CEP250: variants seen among roughly 807,000 people sequenced by gnomAD.
CEP250 encodes centrosomal protein 250.
In CEP250, 242 loss-of-function variants were observed where a neutral mutation model predicts 315.7. That is an observed-to-expected ratio of 0.77 (90% CI 0.69 to 0.85). CEP250 has a LOEUF of 0.85. CEP250 is among the 40% of genes least tolerant of loss of function. The pLI is 0.00. For synonymous variants in CEP250, 1,088 were observed against 1,175.0 expected, an observed-to-expected ratio of 0.93 and a Z score of 1.51; for missense variants, 2,515 against 2,886.4, an observed-to-expected ratio of 0.87 and a Z score of 2.95.
At position 35,473,545 on chromosome 20, in the gene CEP250, C is replaced by T; in HGVS notation, c.1381C>T (p.Leu461Phe). 1.2e-6 allele frequency: 2 copies of T among 1,611,632 alleles called. No individual in the cohort carries two copies. The highest frequency in any genetic ancestry group is 1.7e-6 in the Non-Finnish European group (2 of 1,178,758). Residue 461 changes from leucine (L) to phenylalanine (F), a missense_variant, in exon 13 of 35, where the codon CTC becomes TTC. Leu to Phe is a conservative substitution (Grantham distance 22). Transcript: ENST00000397527. ...GGACCTCCAGGGAGAGGTGGACTCT[C>T]TCAGCAAGTGAGCAGACGGGCTGTT... is the stretch of plus-strand genomic sequence containing the variant. ...TVDLQGEVDS[L>F]SKERELLQKA...
At chr20:35,456,742 T>C (rs1380784290) in intron 1 of CEP250, among the ~76,000 whole-genome samples, 2 of 152,054 alleles carry the variant, frequency 1.3e-5, no homozygotes, top group African/African-American at 4.8e-5. Flanking sequence ...GGTTCAGTCA[T>C]TGCTCTGCCA....
rs1193636633 is a variant in CEP250 at position 35,518,623 on chromosome 20, G to T, written c.*6997G>T. On this transcript the variant is annotated 3_prime_UTR_variant, in exon 35 of 35. Coordinates refer to ENST00000397527, the MANE Select transcript of CEP250 (RefSeq NM_007186.6). ...TCAAAGTTTTTTATATATTCACTAT[G>T]ATTCAATCATGACAGTTGCTATTTT... The T allele has an allele frequency of 6.6e-6, 1 of 152,130 alleles. No homozygotes were observed. Among genetic ancestry groups the T allele is most frequent in the Non-Finnish European group, 1.5e-5 (1 of 68,022 alleles). The allele number at this position is 152,130 out of a possible 1,614,324, so 9.4% of individuals were successfully genotyped here. A position where few individuals can be genotyped will look rare whatever the true frequency, so the allele number is the denominator to read the frequency against.
At chr20:35,490,041 A>C (rs2147024948) in intron 20 of CEP250, among the ~76,000 whole-genome samples, 1 of 152,192 alleles carries the variant, frequency 6.6e-6, no homozygotes, top group East Asian at 1.9e-4. Flanking sequence ...GGCTAGGCAC[A>C]GTGGCTCATG....
intron 7 of CEP250, among the ~76,000 whole-genome samples, chr20:35,466,429 C>T (rs1233762933): frequency 6.6e-6 from 1 of 152,146 alleles, no homozygotes; most frequent in Non-Finnish European, 1.5e-5. Context: ...TGGGAGGTAG[C>T]ATGACACTCA....
At chr20:35,481,865 G>A (rs968646141) in intron 20 of CEP250, among the ~76,000 whole-genome samples, 2 of 152,020 alleles carry the variant, frequency 1.3e-5, no homozygotes, top group African/African-American at 2.4e-5. Flanking sequence ...ATCACACCCA[G>A]CTAATTTTAT....
intron 16 of CEP250, among the ~76,000 whole-genome samples, chr20:35,476,903 C>T (rs1014009889): frequency 6.6e-6 from 1 of 152,188 alleles, no homozygotes; most frequent in African/African-American, 2.4e-5. Context: ...GGCTGGAGTG[C>T]AGTGGTGCGA....
intron 27 of CEP250, among the ~76,000 whole-genome samples, chr20:35,499,231 T>G (rs2063933558): frequency 6.6e-6 from 1 of 152,172 alleles, no homozygotes; most frequent in South Asian, 2.1e-4. Context: ...GCCAAGATTG[T>G]GCCATTGCAC....
Position 35,478,109 on chromosome 20 carries a change from G to A in CEP250, c.2094+8G>A. 1 of 1,571,432 alleles carries A rather than the reference G, an allele frequency of 6.4e-7. No individual in the cohort carries two copies. Among genetic ancestry groups the A allele is most frequent in the South Asian group, 1.1e-5 (1 of 89,784 alleles). On this transcript the variant is annotated splice_region_variant and intron_variant, in intron 17 of 34. Transcript: ENST00000397527. ...CAAAAGAAACTAAGTGAGGTGAGAA[G>A]CCAAAATGGACACCATCATGTCTAG...
chr20:35,479,402 G>A lies in CEP250; in HGVS notation c.2266G>A (p.Ala756Thr), dbSNP rs143763293. Residue 756 changes from alanine (A) to threonine (T), a missense_variant, in exon 18 of 35, where the codon GCT (alanine) becomes ACT (threonine). By Grantham distance (58) the Ala-to-Thr change is moderately conservative. Coordinates refer to ENST00000397527, the MANE Select transcript of CEP250 (RefSeq NM_007186.6). ...CGTGGAGCGTGACCGGCAGGACCTC[G>A]CTGAACAACTACAGGGGCTCAGGTA... ...QAVERDRQDL[A>T]EQLQGLSSAK... 2.3e-5 allele frequency: 37 copies of A among 1,613,862 alleles called. No homozygotes were observed. The Admixed American group carries it at 3.5e-4, about 15-fold the overall frequency.
intron 23 of CEP250, among the ~76,000 whole-genome samples, chr20:35,494,146 T>A (rs1244787044): frequency 6.6e-6 from 1 of 152,124 alleles, no homozygotes; most frequent in Non-Finnish European, 1.5e-5. Context: ...GGCTAATTTT[T>A]AAATTTTTAT....
At chr20:35,473,787 G>C in intron 13 of CEP250, 83 bp from the exon 14 acceptor site, 2 of 1,262,290 alleles carry the variant, frequency 1.6e-6, no homozygotes, top group Non-Finnish European at 2.2e-6. Flanking sequence ...GTTGAAACAG[G>C]GTCTCTTGGC....
intron 20 of CEP250, among the ~76,000 whole-genome samples, chr20:35,482,462 A>T (rs2063377457): frequency 6.6e-6 from 1 of 151,420 alleles, no homozygotes; most frequent in South Asian, 2.1e-4. Flanking sequence ...GATGGTCTCG[A>T]TCTCCTGACC....
Position 35,494,587 on chromosome 20 carries a change from G to C in CEP250, c.3097G>C (p.Val1033Leu). 1 of 1,614,164 alleles carries C rather than the reference G, an allele frequency of 6.2e-7. No homozygotes were observed. The highest frequency in any genetic ancestry group is 8.5e-7 in the Non-Finnish European group (1 of 1,180,030). The change falls in exon 24 of 35, where the codon GTT becomes CTT. Residue 1033 changes from valine to leucine, a missense_variant. Physicochemically the swap from Val to Leu is conservative, Grantham distance 32. Transcript: ENST00000397527. Reference protein sequence around the residue: ...DDSQRLVEQEVQEKLRETQEY... With the variant: ...DDSQRLVEQELQEKLRETQEY... ...CTCCCAGAGGCTGGTGGAGCAGGAG[G>C]TTCAGGAGAAGCTGAGAGAGACCCA... is the stretch of plus-strand genomic sequence containing the variant.
rs994891488 is a variant in CEP250, at chr20:35,500,408, T to C, written c.3898+239T>C. On this transcript the variant is annotated intron_variant, in intron 28 of 34. Transcript: ENST00000397527. ...ACCACGCCTGGCTAATTTTTTTGGA[T>C]TTTTAATAAAGACGGGGTTTCACCA... Among the ~76,000 whole-genome samples the C allele has an allele frequency of 2.0e-5, 3 of 152,262 alleles. No homozygotes were observed. In the East Asian group the frequency reaches 5.8e-4, roughly 29 times the overall value.
At chr20:35,506,442 G>T (rs1369286379) in intron 30 of CEP250, among the ~76,000 whole-genome samples, 1 of 152,174 alleles carries the variant, frequency 6.6e-6, no homozygotes, top group African/African-American at 2.4e-5. Flanking sequence ...CCGGTACTGA[G>T]CACAAGACCT....
At chr20:35,485,098 C>T (rs1223006512) in intron 20 of CEP250, among the ~76,000 whole-genome samples, 5 of 148,408 alleles carry the variant, frequency 3.4e-5, no homozygotes, top group Admixed American at 6.7e-5. Flanking sequence ...AAAGGCTGGG[C>T]GCAGTGGCTT....
Position 35,462,523 on chromosome 20 carries a change from A to C in CEP250, c.156A>C (p.Gln52His), listed in dbSNP as rs2146672174. Residue 52 changes from glutamine (Q) to histidine (H), a missense_variant, in exon 4 of 35, where the codon CAA becomes CAC. Gln to His is a conservative substitution (Grantham distance 24). Transcript: ENST00000397527. ...LKNSQEAQQR[Q>H]ATLVRKLQAK... is the part of the protein sequence containing the mutation. ...ACTCCCAGGAGGCCCAGCAGAGACA[A>C]GCAACCCTTGTGAGGAAGCTGCAGG... is the stretch of plus-strand genomic sequence containing the variant. 4 of 1,608,684 alleles carry C rather than the reference A, an allele frequency of 2.5e-6. No individual in the cohort carries two copies. The highest frequency in any genetic ancestry group is 1.1e-5 in the South Asian group (1 of 90,104).
chr20:35,491,423 CTTCTT>C, intron 22 of CEP250, 77 bp downstream of exon 22: 2 of 1,474,656 alleles, frequency 1.4e-6, no homozygotes, highest in Non-Finnish European at 1.9e-6. Context: ...TTCTTGGGCA[CTTCTT>C]ATGTGCCAGG....
chr20:35,475,293 C>T (rs1742252184), intron 14 of CEP250, among the ~76,000 whole-genome samples: 1 of 152,224 alleles, frequency 6.6e-6, no homozygotes, highest in Non-Finnish European at 1.5e-5. Context: ...TTTCTTCCCC[C>T]ACTTTCTTGC....
Sources: allele counts gnomAD v4.1 joint callset (sites outside exome capture counted in the v4.1 genomes callset), GRCh38; gene constraint gnomAD v4.1.1; transcripts MANE v1.5; gene names NCBI Gene and HGNC (gene_info 2026-07-23, HGNC 2026-07-21).